The following WWOX variants were observed in gnomAD, a reference collection of about 807,000 sequenced individuals.
WWOX encodes WW domain-containing oxidoreductase.
WWOX carries 69 observed loss-of-function variants against 46.2 expected under a neutral mutation model. The observed-to-expected ratio is 1.49, with a 90% confidence interval of 1.23 to 1.82. WWOX has a LOEUF of 1.82. Ranked by LOEUF, WWOX falls within the 40% of genes most tolerant of loss-of-function variation. The pLI is 0.00. For missense variants in WWOX, 919 were observed against 542.6 expected (o/e 1.69, Z -6.89); for synonymous variants, 359 against 202.6 (o/e 1.77, Z -6.56).
chr16:78,568,726 C>T (rs942638464), intron 8 of WWOX, among the ~76,000 whole-genome samples: 1 of 152,086 alleles, frequency 6.6e-6, no homozygotes, highest in Non-Finnish European at 1.5e-5. Flanking sequence ...CTACCTGCCT[C>T]GGCCTCCCAA....
chr16:79,061,520 A>G (rs1047522291), intron 8 of WWOX, among the ~76,000 whole-genome samples: 1 of 152,184 alleles, frequency 6.6e-6, no homozygotes, highest in African/African-American at 2.4e-5. Context: ...CCCATTCAAC[A>G]ATTAGAAGCT....
intron 5 of WWOX, among the ~76,000 whole-genome samples, chr16:78,223,539 G>T (rs1483812576): frequency 6.6e-6 from 1 of 152,160 alleles, no homozygotes; most frequent in Admixed American, 6.5e-5. Flanking sequence ...AGGATGCATA[G>T]GCACATTGGA....
chr16:78,337,533 A>C (rs547953904), intron 5 of WWOX, among the ~76,000 whole-genome samples: 45 of 152,262 alleles, frequency 3.0e-4, no homozygotes, highest in African/African-American at 1.0e-3. Context: ...TGTGTTGTAC[A>C]TTCTATAGGT....
chr16:78,563,517 GCTTTTTTTTTTTTTT>G (rs2044490065), intron 8 of WWOX, among the ~76,000 whole-genome samples: 5 of 90,990 alleles, frequency 5.5e-5, no homozygotes, highest in Admixed American at 2.8e-4. Context: ...ACACACACAC[GCTTTTTTTTTTTTTT>G]CTTTTTTTTT....
chr16:78,619,755 A>G, intron 8 of WWOX, among the ~76,000 whole-genome samples: 1 of 151,904 alleles, frequency 6.6e-6, no homozygotes, highest in East Asian at 2.0e-4. Flanking sequence ...AATAAAAGCA[A>G]CAAAAAAATG....
chr16:78,947,802 A>G (rs2045978573), intron 8 of WWOX, among the ~76,000 whole-genome samples: 2 of 152,358 alleles, frequency 1.3e-5, no homozygotes, highest in Middle Eastern at 3.4e-3. Flanking sequence ...CTAATTTTAG[A>G]TGCATAAAAG....
chr16:78,369,910 A>T lies in WWOX; in HGVS notation c.517-16950A>T, dbSNP rs544583744. Among the ~76,000 whole-genome samples the T allele has an allele frequency of 2.6e-3, 391 of 152,086 alleles. 2 individuals are homozygous for T. The highest frequency in any genetic ancestry group is 9.2e-3 in the African/African-American group (382 of 41,508). On this transcript the variant is annotated intron_variant, in intron 5 of 8. Coordinates refer to ENST00000566780, the MANE Select transcript of WWOX (RefSeq NM_016373.4). ...CACTTTGGGAGGCCGAGGCGGGAGG[A>T]TCACATAAGGCCAGGAGTTTGAGAC... is the stretch of plus-strand genomic sequence containing the variant.
chr16:78,160,847 T>A (rs2034769636), intron 4 of WWOX, among the ~76,000 whole-genome samples: 1 of 152,238 alleles, frequency 6.6e-6, no homozygotes. Flanking sequence ...GTTTGTCTGC[T>A]TATTTTATCT....
intron 8 of WWOX, among the ~76,000 whole-genome samples, chr16:79,107,010 C>T (rs546642076): frequency 6.6e-6 from 1 of 151,942 alleles, no homozygotes; most frequent in Non-Finnish European, 1.5e-5. Flanking sequence ...GGGGTTTCAC[C>T]ATGGTGGCCA....
intron 8 of WWOX, among the ~76,000 whole-genome samples, chr16:78,791,907 A>T (rs576127355): frequency 6.6e-6 from 1 of 152,246 alleles, no homozygotes; most frequent in African/African-American, 2.4e-5. Context: ...AACAACAAAC[A>T]AACAAGAAAC....
rs74029397 is a variant in WWOX, at chr16:78,500,904, C to G, written c.1056+68152C>G. Reference sequence around the variant, plus strand: ...AAAGAAGTTCCAAAAGAATTCAAAGCCAGTGTGTCTCTTTCTCTGGACGGC... The same window carrying G: ...AAAGAAGTTCCAAAAGAATTCAAAGGCAGTGTGTCTCTTTCTCTGGACGGC... On this transcript the variant is annotated intron_variant, in intron 8 of 8. Coordinates refer to ENST00000566780, the MANE Select transcript of WWOX (RefSeq NM_016373.4). Among the ~76,000 whole-genome samples the G allele has an allele frequency of 9.7e-4, 148 of 152,152 alleles. 1 individual carries two copies. The highest frequency in any genetic ancestry group is 3.1e-3 in the Admixed American group (48 of 15,264).
At chr16:78,702,045 AAAAT>A (rs1296238701) in intron 8 of WWOX, among the ~76,000 whole-genome samples, 2 of 121,972 alleles carry the variant, frequency 1.6e-5, no homozygotes, top group Non-Finnish European at 3.3e-5. Context: ...ATATATATAT[AAAAT>A]AATGCAGAAG....
At chr16:78,712,962 A>G (rs1239198614) in intron 8 of WWOX, among the ~76,000 whole-genome samples, 1 of 152,098 alleles carries the variant, frequency 6.6e-6, no homozygotes, top group Non-Finnish European at 1.5e-5. Flanking sequence ...GCTGCCAAGA[A>G]TAGCAGTTAG....
At chr16:78,944,067 C>G (rs375212715) in intron 8 of WWOX, among the ~76,000 whole-genome samples, 4 of 152,166 alleles carry the variant, frequency 2.6e-5, no homozygotes, top group South Asian at 2.1e-4. Context: ...GTATTGATTT[C>G]TGAGAATTCC....
At chr16:78,645,589 A>T (rs1178376218) in intron 8 of WWOX, among the ~76,000 whole-genome samples, 1 of 152,072 alleles carries the variant, frequency 6.6e-6, no homozygotes, top group Non-Finnish European at 1.5e-5. Flanking sequence ...TGTTCAGAGA[A>T]CATATAGGGA....
intron 8 of WWOX, among the ~76,000 whole-genome samples, chr16:78,761,237 G>A (rs1468747515): frequency 5.3e-5 from 8 of 152,104 alleles, no homozygotes; most frequent in East Asian, 1.9e-4. Context: ...GACTAGGTTT[G>A]TAGTAGACCA....
chr16:79,126,914 A>G (rs1236868527), intron 8 of WWOX, among the ~76,000 whole-genome samples: 4 of 152,184 alleles, frequency 2.6e-5, no homozygotes, highest in African/African-American at 4.8e-5. Flanking sequence ...AGACAGAGAA[A>G]AGGAGAGAGT....
intron 8 of WWOX, among the ~76,000 whole-genome samples, chr16:78,726,163 G>T (rs1292651671): frequency 7.9e-6 from 1 of 126,406 alleles, no homozygotes; most frequent in Non-Finnish European, 1.6e-5. Context: ...TTCTCTTTCT[G>T]TGTCTCTCTT....
intron 8 of WWOX, among the ~76,000 whole-genome samples, chr16:78,465,423 G>C (rs56096316): frequency 0.011 from 1,639 of 152,240 alleles, 35 homozygotes; most frequent in African/African-American, 0.037. Flanking sequence ...CAAGCAGTCC[G>C]CCTGCATCGG....
Sources: gnomAD v4.1 joint callset for allele counts (sites outside exome capture counted in the v4.1 genomes callset) on GRCh38, gnomAD v4.1.1 for gene constraint, MANE v1.5 for transcripts, NCBI Gene and HGNC (gene_info 2026-07-23, HGNC 2026-07-21) for gene names.